Variants in CLINT1 observed in about 807,000 individuals in gnomAD.
CLINT1 encodes clathrin interacting protein localized in the trans-Golgi region.
In CLINT1, 15 loss-of-function variants were observed where a neutral mutation model predicts 70.4. That is an observed-to-expected ratio of 0.21 (90% CI 0.14 to 0.33). CLINT1 has a LOEUF of 0.33. Ranked by LOEUF, CLINT1 falls within the 10% of genes least tolerant of loss-of-function variation. CLINT1 has a pLI of 1.00. For synonymous variants in CLINT1, 227 were observed against 254.7 expected (o/e 0.89, Z 1.04); for missense variants, 615 against 778.1 (o/e 0.79, Z 2.49).
At chr5:157,837,935 A>G (rs926584729) in intron 1 of CLINT1, among the ~76,000 whole-genome samples, 2 of 151,944 alleles carry the variant, frequency 1.3e-5, no homozygotes, top group African/African-American at 2.4e-5. Context: ...CTGTAATCCC[A>G]GCCATCGCAC....
At chr5:157,806,804 C>A (rs1762398858) in intron 6 of CLINT1, among the ~76,000 whole-genome samples, 1 of 152,092 alleles carries the variant, frequency 6.6e-6, no homozygotes, top group Non-Finnish European at 1.5e-5. Flanking sequence ...TCTCCTTCAG[C>A]CACATTCAAC....
At chr5:157,796,471 G>A (rs1762070896) in intron 8 of CLINT1, among the ~76,000 whole-genome samples, 1 of 152,086 alleles carries the variant, frequency 6.6e-6, no homozygotes, top group Non-Finnish European at 1.5e-5. Flanking sequence ...CCTCTTAACA[G>A]TCACAACCTT....
rs1272500317 is a variant in CLINT1, at chr5:157,817,489, C to T, written c.100G>A (p.Asp34Asn). 3.7e-6 allele frequency: 6 copies of T among 1,606,294 alleles called. No homozygotes were observed. Among genetic ancestry groups the T allele is most frequent in the Non-Finnish European group, 3.4e-6 (4 of 1,176,048 alleles). ...TGCCCAGAAGGTCCCCAAGGATCAT[C>T]GTTCGTTGCCTCTCGAACCTTAGAC... Reference protein sequence around the residue: ...IESKVREATNDDPWGPSGQLM... With the variant: ...IESKVREATNNDPWGPSGQLM... Residue 34 changes from aspartate (D) to asparagine (N), a missense_variant, in exon 2 of 12, where the codon GAT becomes AAT. Transcript: ENST00000411809.
intron 1 of CLINT1, among the ~76,000 whole-genome samples, chr5:157,855,591 T>C (rs1032245765): frequency 6.6e-6 from 1 of 152,152 alleles, no homozygotes; most frequent in East Asian, 1.9e-4. Flanking sequence ...ATCCCTCTAC[T>C]GCCACCAGGA....
At chr5:157,832,174 G>A (rs144667961) in intron 1 of CLINT1, among the ~76,000 whole-genome samples, 4 of 152,090 alleles carry the variant, frequency 2.6e-5, no homozygotes, top group Non-Finnish European at 5.9e-5. Flanking sequence ...GTAGAAATGC[G>A]GTTTTGCCAT....
rs1406621558 is a variant in CLINT1, at chr5:157,809,687, A to G, written c.636T>C (p.Ile212=). Residue 212 remains isoleucine (I), a synonymous_variant, in exon 6 of 12, where the codon ATT becomes ATC. Transcript: ENST00000411809. ...GELSDKIGST[I]DDTISKFRRK... ...TCCGGAACTTGCTGATGGTGTCATCAATTGTGCTTCCAATTTTATCACTCA... is the reference window on the plus strand; with the variant it reads ...TCCGGAACTTGCTGATGGTGTCATCGATTGTGCTTCCAATTTTATCACTCA... 4 of 1,613,396 alleles carry G rather than the reference A, an allele frequency of 2.5e-6. No homozygotes were observed. The highest frequency in any genetic ancestry group is 3.4e-6 in the Non-Finnish European group (4 of 1,179,616).
At chr5:157,798,803 C>T (rs1020468592) in intron 8 of CLINT1, among the ~76,000 whole-genome samples, 48 of 151,878 alleles carry the variant, frequency 3.2e-4, no homozygotes, top group African/African-American at 1.2e-3. Flanking sequence ...TATTGTACTA[C>T]AAAATTTTGG....
At chr5:157,830,794 C>CTATATA (rs1190577088) in intron 1 of CLINT1, among the ~76,000 whole-genome samples, 269 of 106,686 alleles carry the variant, frequency 2.5e-3, no homozygotes, top group South Asian at 4.9e-3. Flanking sequence ...CTCTCTCTCT[C>CTATATA]TCTATATATA....
intron 1 of CLINT1, among the ~76,000 whole-genome samples, chr5:157,836,263 C>CAGCT (rs1763419815): frequency 6.6e-6 from 1 of 152,174 alleles, no homozygotes; most frequent in Admixed American, 6.6e-5. Context: ...CTCTATGAGG[C>CAGCT]AGCTACTATT....
chr5:157,849,233 G>C (rs1753489870), intron 1 of CLINT1, among the ~76,000 whole-genome samples: 1 of 152,180 alleles, frequency 6.6e-6, no homozygotes, highest in Non-Finnish European at 1.5e-5. Context: ...AATTGCCACA[G>C]CCACCCCAAA....
intron 1 of CLINT1, among the ~76,000 whole-genome samples, chr5:157,851,733 T>C (rs935433337): frequency 6.7e-6 from 1 of 150,310 alleles, no homozygotes; most frequent in African/African-American, 2.4e-5. Flanking sequence ...ATTGGCTAAC[T>C]AGACTCTTCT....
intron 1 of CLINT1, among the ~76,000 whole-genome samples, chr5:157,823,085 T>C (rs772262345): frequency 7.9e-5 from 12 of 152,146 alleles, no homozygotes; most frequent in Non-Finnish European, 1.3e-4. Flanking sequence ...TTTAAGCTTA[T>C]TGTCAAGATT....
chr5:157,798,054 T>C (rs1199146026), intron 8 of CLINT1, among the ~76,000 whole-genome samples: 1 of 152,240 alleles, frequency 6.6e-6, no homozygotes, highest in African/African-American at 2.4e-5. Context: ...ATTATGCTTT[T>C]ACTGGTACTT....
At chr5:157,841,709 C>G (rs1753184431) in intron 1 of CLINT1, among the ~76,000 whole-genome samples, 1 of 152,198 alleles carries the variant, frequency 6.6e-6, no homozygotes, top group African/African-American at 2.4e-5. Flanking sequence ...AAGCCTCCAT[C>G]TGCGGAGCTC....
At chr5:157,806,413 A>G (rs1762386035) in intron 6 of CLINT1, among the ~76,000 whole-genome samples, 1 of 152,234 alleles carries the variant, frequency 6.6e-6, no homozygotes, top group African/African-American at 2.4e-5. Flanking sequence ...TTACAGATTT[A>G]AGCTTAACTT....
chr5:157,836,522 T>C (rs755448282), intron 1 of CLINT1, among the ~76,000 whole-genome samples: 2 of 152,220 alleles, frequency 1.3e-5, no homozygotes, highest in Non-Finnish European at 2.9e-5. Flanking sequence ...GCCCTGAGCA[T>C]AGTGGTGTCA....
chr5:157,793,002 C>T (rs1761965069), intron 9 of CLINT1, among the ~76,000 whole-genome samples: 1 of 152,140 alleles, frequency 6.6e-6, no homozygotes, highest in Non-Finnish European at 1.5e-5. Context: ...AAGTGACCAA[C>T]CACTACAATA....
chr5:157,800,399 A>G (rs1762175706), intron 8 of CLINT1, among the ~76,000 whole-genome samples: 1 of 152,162 alleles, frequency 6.6e-6, no homozygotes, highest in South Asian at 2.1e-4. Flanking sequence ...ATGACATACC[A>G]AATAGCAATG....
chr5:157,794,208 A>C (rs1762001443), intron 9 of CLINT1, among the ~76,000 whole-genome samples: 1 of 152,180 alleles, frequency 6.6e-6, no homozygotes, highest in Non-Finnish European at 1.5e-5. Context: ...CACCGTTCCC[A>C]GTTTTAGAAA....
Sources: gnomAD v4.1 joint callset for allele counts (sites outside exome capture counted in the v4.1 genomes callset) on GRCh38, gnomAD v4.1.1 for gene constraint, MANE v1.5 for transcripts, NCBI Gene and HGNC (gene_info 2026-07-23, HGNC 2026-07-21) for gene names.